The following UTRN variants were observed in gnomAD, a reference collection of about 807,000 sequenced individuals.
UTRN encodes dystrophin-related protein 1.
UTRN carries 283 observed loss-of-function variants against 463.9 expected under a neutral mutation model. That is an observed-to-expected ratio of 0.61 (90% CI 0.55 to 0.67). The LOEUF is 0.67. Ranked by LOEUF, UTRN falls within the 30% of genes least tolerant of loss-of-function variation. The probability of loss-of-function intolerance (pLI) is 0.00; values close to 1 mark genes in which losing one functional copy is unlikely to be tolerated. For missense variants in UTRN, 3,922 were observed against 4,084.3 expected, an observed-to-expected ratio of 0.96 and a Z score of 1.08; for synonymous variants, 1,442 against 1,431.5, an observed-to-expected ratio of 1.01 and a Z score of -0.17.
chr6:144,629,155 A>C (rs1453312104), intron 51 of UTRN, among the ~76,000 whole-genome samples: 2 of 152,044 alleles, frequency 1.3e-5, no homozygotes, highest in Admixed American at 1.3e-4. Context: ...CTTGAATCTT[A>C]ATATCATGCG....
At chr6:144,376,199 G>A (rs1277819205) in intron 2 of UTRN, among the ~76,000 whole-genome samples, 1 of 152,226 alleles carries the variant, frequency 6.6e-6, no homozygotes, top group South Asian at 2.1e-4. Context: ...GCTCACGCCT[G>A]TAATCCCAGC....
At chr6:144,538,131 T>C (rs1284331511) in intron 44 of UTRN, among the ~76,000 whole-genome samples, 1 of 152,180 alleles carries the variant, frequency 6.6e-6, no homozygotes, top group Non-Finnish European at 1.5e-5. Flanking sequence ...AGGAACAAAA[T>C]GCAGCTTGCA....
chr6:144,350,402 G>A lies in UTRN; in HGVS notation c.80-52721G>A, dbSNP rs905192477. Among the ~76,000 whole-genome samples, 3 of 152,246 alleles carry A rather than the reference G, an allele frequency of 2.0e-5. No individual in the cohort carries two copies. The South Asian group carries it at 6.2e-4, about 32-fold the overall frequency. On this transcript the variant is annotated intron_variant, in intron 2 of 74. Coordinates refer to ENST00000367545, the MANE Select transcript of UTRN (RefSeq NM_007124.3). ...AATGTAAAAATGTATGCCTCTATGGGTGAGCATGGCTTTTCTTTTTTGAAC... is the reference window on the plus strand; with the variant it reads ...AATGTAAAAATGTATGCCTCTATGGATGAGCATGGCTTTTCTTTTTTGAAC...
intron 54 of UTRN, among the ~76,000 whole-genome samples, chr6:144,743,659 A>G (rs577836803): frequency 2.1e-4 from 32 of 152,346 alleles, no homozygotes; most frequent in African/African-American, 7.7e-4. Flanking sequence ...TTCCTGGTCC[A>G]GCTTTGGTTT....
At chr6:144,425,190 T>C (rs1336033001) in intron 6 of UTRN, among the ~76,000 whole-genome samples, 2 of 152,238 alleles carry the variant, frequency 1.3e-5, no homozygotes, top group African/African-American at 4.8e-5. Flanking sequence ...AGAATGTCTC[T>C]CTCAGTGGGC....
intron 19 of UTRN, among the ~76,000 whole-genome samples, chr6:144,458,550 A>G (rs1789100504): frequency 6.6e-6 from 1 of 152,194 alleles, no homozygotes; most frequent in Admixed American, 6.5e-5. Flanking sequence ...CTGAATCGTT[A>G]TTTTAAAATG....
chr6:144,839,308 C>T (rs1314129718), intron 72 of UTRN, 24 bp downstream of exon 72: 2 of 1,571,010 alleles, frequency 1.3e-6, no homozygotes, highest in Non-Finnish European at 1.7e-6. Flanking sequence ...GCACACAGCT[C>T]CTCTGCTGAG....
chr6:144,423,705 C>T (rs1254010248), intron 5 of UTRN, 79 bp downstream of exon 5: 7 of 1,458,498 alleles, frequency 4.8e-6, no homozygotes, highest in Admixed American at 3.4e-5. Flanking sequence ...CTGCTTGATG[C>T]ATTGGCATCC....
intron 73 of UTRN, among the ~76,000 whole-genome samples, chr6:144,842,009 T>C (rs1279238222): frequency 6.7e-6 from 1 of 149,244 alleles, no homozygotes; most frequent in Non-Finnish European, 1.5e-5. Flanking sequence ...ACTCAGGAGG[T>C]TGAGGCAGGA....
intron 45 of UTRN, 69 bp from the exon 46 acceptor site, chr6:144,542,726 C>CAG: frequency 6.6e-7 from 1 of 1,506,864 alleles, no homozygotes; most frequent in Non-Finnish European, 9.0e-7. Context: ...AATAACACCT[C>CAG]TTCTTTTGAA....
At chr6:144,359,690 G>T (rs1390265084) in intron 2 of UTRN, among the ~76,000 whole-genome samples, 1 of 149,400 alleles carries the variant, frequency 6.7e-6, no homozygotes, top group African/African-American at 2.5e-5. Flanking sequence ...CACATTTGAA[G>T]ATTCTGGTAA....
intron 64 of UTRN, 114 bp from the exon 65 acceptor site, chr6:144,802,922 C>A (rs1441703395): frequency 6.1e-6 from 4 of 657,692 alleles, no homozygotes; most frequent in African/African-American, 3.7e-5. Context: ...GAGACTTGAA[C>A]TCCAAAATTT....
intron 58 of UTRN, among the ~76,000 whole-genome samples, chr6:144,764,881 G>A (rs1467193421): frequency 6.6e-6 from 1 of 151,970 alleles, no homozygotes; most frequent in East Asian, 1.9e-4. Context: ...AAACTTAAAG[G>A]ATACAATGAT....
intron 53 of UTRN, among the ~76,000 whole-genome samples, chr6:144,710,673 C>T (rs75033019): frequency 0.011 from 1,727 of 152,320 alleles, 12 homozygotes; most frequent in Non-Finnish European, 0.019. Context: ...AGTAAACACT[C>T]AGTAAAAGGT....
chr6:144,657,799 A>C (rs1483913938), intron 51 of UTRN, among the ~76,000 whole-genome samples: 1 of 152,234 alleles, frequency 6.6e-6, no homozygotes, highest in African/African-American at 2.4e-5. Context: ...CCCTGATCCC[A>C]GCCATCCAGC....
At chr6:144,643,606 G>A (rs999417911) in intron 51 of UTRN, among the ~76,000 whole-genome samples, 1 of 152,032 alleles carries the variant, frequency 6.6e-6, no homozygotes, top group Non-Finnish European at 1.5e-5. Flanking sequence ...AGACCAGCCC[G>A]GCCAACATGG....
At chr6:144,451,538 A>G in intron 18 of UTRN, 45 bp downstream of exon 18, 2 of 1,548,418 alleles carry the variant, frequency 1.3e-6, no homozygotes, top group Non-Finnish European at 1.7e-6. Flanking sequence ...AAAATAGTTC[A>G]TCATGCTGGA....
chr6:144,406,646 C>T (rs1055612382), intron 3 of UTRN, among the ~76,000 whole-genome samples: 4 of 152,182 alleles, frequency 2.6e-5, no homozygotes, highest in Admixed American at 6.5e-5. Context: ...GGATTACAGG[C>T]GTGAGCCACC....
intron 9 of UTRN, among the ~76,000 whole-genome samples, chr6:144,431,229 C>T (rs767306479): frequency 9.2e-5 from 14 of 152,116 alleles, no homozygotes; most frequent in Non-Finnish European, 1.6e-4. Flanking sequence ...TAAGGGCCTT[C>T]TCTCTTAAAA....
Sources: gnomAD v4.1 joint callset for allele counts (sites outside exome capture counted in the v4.1 genomes callset) on GRCh38, gnomAD v4.1.1 for gene constraint, MANE v1.5 for transcripts, NCBI Gene and HGNC (gene_info 2026-07-23, HGNC 2026-07-21) for gene names.